TAF4B: variants seen among roughly 807,000 people sequenced by gnomAD.
TAF4B encodes the protein TATA-box binding protein associated factor 4b, also known as transcription initiation factor TFIID subunit 4B.
TAF4B carries 38 observed loss-of-function variants against 86.4 expected under a neutral mutation model. The observed-to-expected ratio is 0.44, with a 90% confidence interval of 0.34 to 0.58. The LOEUF is 0.58. Ranked by LOEUF, TAF4B falls within the 20% of genes least tolerant of loss-of-function variation. The probability of loss-of-function intolerance (pLI) is 0.02; values close to 1 mark genes in which losing one functional copy is unlikely to be tolerated. For missense variants in TAF4B, 988 were observed against 1,027.6 expected (o/e 0.96, Z 0.53); for synonymous variants, 388 against 391.2 (o/e 0.99, Z 0.10).
rs11291283 is a variant in TAF4B, at chr18:26,262,477, CTT to C, written c.344-2679_344-2678del. ...CATGCCTTAGGACAGTTTCCAAACA[CTT>C]TTTTTTTTTTTTTGAGACAGAATCT... is the stretch of plus-strand genomic sequence containing the variant. On this transcript the variant is annotated intron_variant, in intron 1 of 14. Coordinates refer to ENST00000269142, the MANE Select transcript of TAF4B (RefSeq NM_005640.3). Among the ~76,000 whole-genome samples the C allele has an allele frequency of 4.3e-3, 617 of 143,400 alleles. 5 individuals carry two copies. Among genetic ancestry groups the C allele is most frequent in the African/African-American group, 0.014 (525 of 38,700 alleles). 94.1% of individuals were successfully genotyped at this position (143,400 alleles called of 152,430 possible). A position where few individuals can be genotyped will look rare whatever the true frequency, so the allele number is the denominator to read the frequency against.
intron 3 of TAF4B, 45 bp downstream of exon 3, chr18:26,267,668 T>C (rs772349574): frequency 4.3e-6 from 6 of 1,387,536 alleles, no homozygotes; most frequent in Middle Eastern, 1.8e-4. Flanking sequence ...CTCTTAACTT[T>C]TAAAAAAATC....
intron 6 of TAF4B, 34 bp downstream of exon 6, chr18:26,282,094 G>A: frequency 6.8e-7 from 1 of 1,479,676 alleles, no homozygotes. Context: ...GAAATAATTT[G>A]GATTAGATTA....
At chr18:26,299,477 A>G (rs1156433579) in intron 9 of TAF4B, among the ~76,000 whole-genome samples, 5 of 152,012 alleles carry the variant, frequency 3.3e-5, no homozygotes, top group African/African-American at 1.2e-4. Flanking sequence ...GATTTGGTCT[A>G]TAGTTTTTTG....
At chr18:26,313,792 A>G (rs2056875245) in intron 9 of TAF4B, among the ~76,000 whole-genome samples, 1 of 151,894 alleles carries the variant, frequency 6.6e-6, no homozygotes, top group African/African-American at 2.4e-5. Flanking sequence ...CTGCCTCTCA[A>G]GTAGCTGGAA....
chr18:26,272,503 A>G (rs553602066), intron 3 of TAF4B, among the ~76,000 whole-genome samples: 1 of 152,254 alleles, frequency 6.6e-6, no homozygotes, highest in South Asian at 2.1e-4. Context: ...AGGATAAAAC[A>G]TTGACAAGGA....
intron 9 of TAF4B, among the ~76,000 whole-genome samples, chr18:26,298,519 A>T (rs903787516): frequency 6.6e-6 from 1 of 151,996 alleles, no homozygotes; most frequent in African/African-American, 2.4e-5. Flanking sequence ...GGTGTGAGCC[A>T]CCGTGCCCTG....
At chr18:26,376,061 T>C (rs2057440559) in intron 14 of TAF4B, among the ~76,000 whole-genome samples, 1 of 152,182 alleles carries the variant, frequency 6.6e-6, no homozygotes, top group Non-Finnish European at 1.5e-5. Context: ...TTCATCAATC[T>C]ATGTATCTGT....
At chr18:26,261,287 G>A (rs999559213) in intron 1 of TAF4B, among the ~76,000 whole-genome samples, 6 of 139,376 alleles carry the variant, frequency 4.3e-5, no homozygotes, top group East Asian at 2.2e-4. Flanking sequence ...TGCAAGCTCC[G>A]CCTCCCGGGT....
chr18:26,298,269 G>A (rs952676822), intron 9 of TAF4B, among the ~76,000 whole-genome samples: 1 of 151,816 alleles, frequency 6.6e-6, no homozygotes, highest in Non-Finnish European at 1.5e-5. Flanking sequence ...CACGCAGGCT[G>A]CAAGGCTGGA....
At chr18:26,241,948 G>A (rs1367130898) in intron 1 of TAF4B, among the ~76,000 whole-genome samples, 2 of 152,200 alleles carry the variant, frequency 1.3e-5, no homozygotes, top group African/African-American at 4.8e-5. Flanking sequence ...TGGTCTGAGA[G>A]GCAGTTTGTT....
intron 1 of TAF4B, among the ~76,000 whole-genome samples, chr18:26,247,589 A>T (rs939112457): frequency 6.6e-6 from 1 of 152,190 alleles, no homozygotes; most frequent in Non-Finnish European, 1.5e-5. Flanking sequence ...TTTAAAAAAA[A>T]TTGACACAGG....
At chr18:26,313,388 GT>G (rs1174055376) in intron 9 of TAF4B, among the ~76,000 whole-genome samples, 3 of 152,118 alleles carry the variant, frequency 2.0e-5, no homozygotes, top group Admixed American at 2.0e-4. Context: ...ATGTTTAAAT[GT>G]TTAGATGTTT....
At chr18:26,278,917 A>G (rs2056414042) in intron 5 of TAF4B, among the ~76,000 whole-genome samples, 1 of 152,068 alleles carries the variant, frequency 6.6e-6, no homozygotes, top group South Asian at 2.1e-4. Flanking sequence ...GCAGATCCAT[A>G]GCCAACATCA....
intron 14 of TAF4B, among the ~76,000 whole-genome samples, chr18:26,358,722 TA>T (rs955382206): frequency 6.6e-6 from 1 of 151,512 alleles, no homozygotes; most frequent in East Asian, 1.9e-4. Context: ...AAAAATAAAA[TA>T]AAAAAAAGAT....
Position 26,274,948 on chromosome 18 carries a change from G to T in TAF4B, c.777G>T (p.Val259=), listed in dbSNP as rs746865244. Residue 259 remains valine (V), a synonymous_variant, in exon 5 of 15, where the codon GTG becomes GTT. Coordinates refer to ENST00000269142, the MANE Select transcript of TAF4B (RefSeq NM_005640.3). ...ATATTTAGACAATGCTAGAAAATGTGAAGAAATGCAAGAACTTCCTTGCAA... is the reference window on the plus strand; with the variant it reads ...ATATTTAGACAATGCTAGAAAATGTTAAGAAATGCAAGAACTTCCTTGCAA... ...INLSPTMLEN[V]KKCKNFLAML... is the part of the protein sequence containing the mutation. The T allele has an allele frequency of 1.2e-6, 2 of 1,613,334 alleles. No individual in the cohort carries two copies. Among genetic ancestry groups the T allele is most frequent in the Admixed American group, 3.3e-5 (2 of 59,880 alleles).
intron 11 of TAF4B, among the ~76,000 whole-genome samples, chr18:26,322,419 T>A (rs1598799199): frequency 6.6e-6 from 1 of 151,902 alleles, no homozygotes; most frequent in East Asian, 1.9e-4. Context: ...AAACAAAAAA[T>A]TAATATCAGT....
chr18:26,301,829 A>G (rs1356096271), intron 9 of TAF4B, among the ~76,000 whole-genome samples: 3 of 151,992 alleles, frequency 2.0e-5, no homozygotes, highest in African/African-American at 7.3e-5. Flanking sequence ...CTCTCTCCTC[A>G]TGAGATTGCC....
At chr18:26,389,775 C>G (rs1444344401) in intron 14 of TAF4B, 70 bp from the exon 15 acceptor site, 18 of 1,527,630 alleles carry the variant, frequency 1.2e-5, no homozygotes, top group South Asian at 1.3e-5. Flanking sequence ...CTCTGACATG[C>G]TAGAATTGAC....
intron 1 of TAF4B, among the ~76,000 whole-genome samples, chr18:26,240,486 T>G (rs1050495909): frequency 9.2e-5 from 14 of 152,226 alleles, no homozygotes; most frequent in African/African-American, 3.4e-4. Flanking sequence ...GATTTTGGGC[T>G]GAGACAATGG....
Sources: gnomAD v4.1 joint callset for allele counts (sites outside exome capture counted in the v4.1 genomes callset) on GRCh38, gnomAD v4.1.1 for gene constraint, MANE v1.5 for transcripts, NCBI Gene and HGNC (gene_info 2026-07-23, HGNC 2026-07-21) for gene names.